Variants in PGBD5 observed in about 807,000 individuals in gnomAD.
PGBD5 encodes piggyBac transposable element derived 5, also known as piggyBac transposable element-derived protein 5.
Under a neutral mutation model 47.9 loss-of-function variants are expected in PGBD5, and 14 were observed. The ratio of observed to expected loss-of-function variants is 0.29; its 90% CI spans 0.19 to 0.46. PGBD5 has a LOEUF of 0.46. PGBD5 is among the 20% of genes least tolerant of loss of function. The pLI, the probability that PGBD5 is intolerant of heterozygous loss-of-function variation, is 1.00. For missense variants in PGBD5, 635 were observed against 716.0 expected (o/e 0.89, Z 1.29); for synonymous variants, 316 against 306.3 (o/e 1.03, Z -0.33).
intron 3 of PGBD5, among the ~76,000 whole-genome samples, chr1:230,349,539 A>G (rs931713199): frequency 6.7e-6 from 1 of 150,166 alleles, no homozygotes; most frequent in African/African-American, 2.5e-5. Flanking sequence ...CGTCTCAAAA[A>G]AAAAAAAAAA....
intron 1 of PGBD5, among the ~76,000 whole-genome samples, chr1:230,373,104 C>T (rs192761749): frequency 1.3e-5 from 2 of 152,304 alleles, no homozygotes; most frequent in Non-Finnish European, 2.9e-5. Flanking sequence ...AGAGTGGCCG[C>T]TAGGTATGGA....
intron 1 of PGBD5, among the ~76,000 whole-genome samples, chr1:230,372,049 C>T (rs541448755): frequency 6.6e-6 from 1 of 152,294 alleles, no homozygotes; most frequent in Admixed American, 6.5e-5. Flanking sequence ...ATCATCTAAG[C>T]GTTCCAATAC....
chr1:230,331,808 A>C (rs1667220963), intron 5 of PGBD5, among the ~76,000 whole-genome samples: 1 of 151,402 alleles, frequency 6.6e-6, no homozygotes, highest in Non-Finnish European at 1.5e-5. Flanking sequence ...CCTTTCTTCA[A>C]CTGATCCTAG....
chr1:230,315,931 CAT>C lies in PGBD5; in HGVS notation c.*7492_*7493del, dbSNP rs778985674. 2 of 120,366 alleles carry C rather than the reference CAT, an allele frequency of 1.7e-5. No homozygotes were observed. Among genetic ancestry groups the C allele is most frequent in the East Asian group, 4.7e-4 (2 of 4,290 alleles). 7.5% of individuals were successfully genotyped at this position (120,366 alleles called of 1,614,324 possible). On this transcript the variant is annotated 3_prime_UTR_variant, in exon 7 of 7. Transcript: ENST00000391860. ...ATATGTATATGTGTATATGTGTACA[CAT>C]ATATGTATGTGTATACATACATAAG...
At chr1:230,384,795 A>C (rs1656595066) in intron 1 of PGBD5, among the ~76,000 whole-genome samples, 1 of 152,106 alleles carries the variant, frequency 6.6e-6, no homozygotes, top group African/African-American at 2.4e-5. Flanking sequence ...GCTTAATTAA[A>C]TATTAGTTCC....
intron 1 of PGBD5, among the ~76,000 whole-genome samples, chr1:230,423,396 C>A (rs963575326): frequency 1.3e-5 from 2 of 152,178 alleles, no homozygotes; most frequent in Non-Finnish European, 2.9e-5. Flanking sequence ...GGGGAGCGCA[C>A]GCTTGTCGTA....
intron 1 of PGBD5, among the ~76,000 whole-genome samples, chr1:230,405,857 T>C (rs1657287335): frequency 6.6e-6 from 1 of 152,238 alleles, no homozygotes; most frequent in South Asian, 2.1e-4. Flanking sequence ...TGTCATTTAA[T>C]AGTGTAGATT....
At chr1:230,346,561 G>A (rs1667475343) in intron 3 of PGBD5, among the ~76,000 whole-genome samples, 2 of 152,266 alleles carry the variant, frequency 1.3e-5, no homozygotes, top group African/African-American at 4.8e-5. Flanking sequence ...TAAGGAGCAA[G>A]CATATCGCAA....
At chr1:230,344,040 C>T (rs1362661975) in intron 3 of PGBD5, among the ~76,000 whole-genome samples, 3 of 152,150 alleles carry the variant, frequency 2.0e-5, no homozygotes, top group Non-Finnish European at 4.4e-5. Flanking sequence ...AATCCCAGCA[C>T]TTTGAGAGGC....
At chr1:230,390,020 AG>A (rs902671234) in intron 1 of PGBD5, among the ~76,000 whole-genome samples, 13 of 152,144 alleles carry the variant, frequency 8.5e-5, no homozygotes, top group African/African-American at 2.7e-4. Flanking sequence ...AGAAGGTGGG[AG>A]GGTGAGAAAA....
intron 3 of PGBD5, among the ~76,000 whole-genome samples, chr1:230,344,525 C>T (rs1029906671): frequency 7.2e-5 from 11 of 152,152 alleles, no homozygotes; most frequent in Non-Finnish European, 1.3e-4. Flanking sequence ...TGTAAGTGTT[C>T]GTCATTCTTT....
rs575845948 is a variant in PGBD5 at position 230,378,695 on chromosome 1, C to T, written c.332-21374G>A. Among the ~76,000 whole-genome samples, 3 of 152,290 alleles carry T rather than the reference C, an allele frequency of 2.0e-5. No homozygotes were observed. The South Asian group carries it at 6.2e-4, about 32-fold the overall frequency. On this transcript the variant is annotated intron_variant, in intron 1 of 6. Coordinates refer to ENST00000391860, the MANE Select transcript of PGBD5 (RefSeq NM_001258311.2). Reference sequence around the variant, plus strand: ...AGCTCTTCTCTGAGCTGCAGTACAGCCCTGAGCATGGAAGCTTCCCTTGCA... The same window carrying T: ...AGCTCTTCTCTGAGCTGCAGTACAGTCCTGAGCATGGAAGCTTCCCTTGCA...
chr1:230,325,538 G>A, intron 5 of PGBD5, 123 bp from the exon 6 acceptor site: 1 of 695,060 alleles, frequency 1.4e-6, no homozygotes, highest in Non-Finnish European at 2.5e-6. Context: ...GGAGGAGGAG[G>A]GGAGGGAAGA....
In PGBD5 at chr1:230,333,058, G is replaced by C. The variant is rs1484417501; in HGVS notation, c.1076-17C>G. 1 of 1,575,460 alleles carries C rather than the reference G, an allele frequency of 6.3e-7. No individual in the cohort carries two copies. The highest frequency in any genetic ancestry group is 1.3e-5 in the African/African-American group (1 of 74,406). ...AGTAAATCCCTGAGGGGAGAGGGAG[G>C]AAGGATCGCACACTCACCACCATCG... On this transcript the variant is annotated splice_polypyrimidine_tract_variant and intron_variant, in intron 4 of 6. Transcript: ENST00000391860.
intron 1 of PGBD5, among the ~76,000 whole-genome samples, chr1:230,388,137 G>A (rs548673273): frequency 6.6e-6 from 1 of 152,304 alleles, no homozygotes; most frequent in African/African-American, 2.4e-5. Flanking sequence ...GCCACTGAAG[G>A]GCTGTGCATG....
chr1:230,367,081 T>C (rs1428545682), intron 1 of PGBD5, among the ~76,000 whole-genome samples: 1 of 152,018 alleles, frequency 6.6e-6, no homozygotes, highest in East Asian at 1.9e-4. Flanking sequence ...CCCAGGTAAC[T>C]TGCTAATTTC....
chr1:230,359,726 G>A (rs1489653963), intron 1 of PGBD5, among the ~76,000 whole-genome samples: 1 of 152,214 alleles, frequency 6.6e-6, no homozygotes, highest in Non-Finnish European at 1.5e-5. Flanking sequence ...CCCTAAGGGA[G>A]GTTCCTGAGG....
At chr1:230,404,627 A>ATAT (rs1453429430) in intron 1 of PGBD5, among the ~76,000 whole-genome samples, 1,485 of 129,826 alleles carry the variant, frequency 0.011, 3 homozygotes, top group Non-Finnish European at 0.014. Context: ...AAAAAAAAAA[A>ATAT]AAATATATAT....
intron 1 of PGBD5, among the ~76,000 whole-genome samples, chr1:230,358,097 A>G (rs1054575653): frequency 3.7e-4 from 56 of 152,104 alleles, no homozygotes; most frequent in Non-Finnish European, 1.5e-5. Context: ...ATATACATTT[A>G]AAAACAAAAG....
Sources: gnomAD v4.1 joint callset for allele counts (sites outside exome capture counted in the v4.1 genomes callset) on GRCh38, gnomAD v4.1.1 for gene constraint, MANE v1.5 for transcripts, NCBI Gene and HGNC (gene_info 2026-07-23, HGNC 2026-07-21) for gene names.